The following PIK3C2A variants were observed in gnomAD, a reference collection of about 807,000 sequenced individuals.
PIK3C2A encodes phosphatidylinositol-4-phosphate 3-kinase catalytic subunit type 2 alpha.
A neutral mutation model predicts 204.5 loss-of-function variants in PIK3C2A; 97 were observed. That is an observed-to-expected ratio of 0.47 (90% CI 0.40 to 0.56). PIK3C2A has a LOEUF of 0.56. Among genes scored for constraint, PIK3C2A ranks in the 20% least tolerant of loss-of-function variants. The pLI, the probability that PIK3C2A is intolerant of heterozygous loss-of-function variation, is 0.00. For missense variants in PIK3C2A, 1,735 were observed against 1,969.2 expected (o/e 0.88, Z 2.25); for synonymous variants, 653 against 664.4 (o/e 0.98, Z 0.26).
chr11:17,146,980 C>T (rs1308241381), intron 6 of PIK3C2A, among the ~76,000 whole-genome samples: 40 of 152,008 alleles, frequency 2.6e-4, no homozygotes, highest in Admixed American at 1.3e-4. Context: ...CAAGGGTTCA[C>T]GCAGTAAAAC....
chr11:17,118,419 C>T (rs1486396266), intron 18 of PIK3C2A, among the ~76,000 whole-genome samples: 1 of 152,020 alleles, frequency 6.6e-6, no homozygotes, highest in African/African-American at 2.4e-5. Context: ...ATAAGCAAGT[C>T]GAAACCCATT....
intron 11 of PIK3C2A, among the ~76,000 whole-genome samples, chr11:17,134,203 C>A (rs1849795524): frequency 1.3e-5 from 2 of 152,016 alleles, no homozygotes; most frequent in Non-Finnish European, 2.9e-5. Flanking sequence ...TAAAGCTGCA[C>A]ATATTTTCTT....
chr11:17,107,207 G>T (rs1343876128), intron 22 of PIK3C2A, among the ~76,000 whole-genome samples: 1 of 152,168 alleles, frequency 6.6e-6, no homozygotes, highest in Admixed American at 6.5e-5. Flanking sequence ...CAGCTACTCG[G>T]GAGGCTAAGG....
In PIK3C2A at chr11:17,148,621, A is replaced by G. The variant is rs573495819; in HGVS notation, c.1448+46T>C. The G allele has an allele frequency of 9.4e-5, 148 of 1,581,432 alleles. 4 individuals are homozygous for G. The South Asian group carries it at 1.5e-3, about 16-fold the overall frequency. ...GAAATTTTTCTAGATTAAACCATTA[A>G]AAATGAAATTTCCAAGGATGTTGCT... On this transcript the variant is annotated intron_variant, in intron 5 of 32. Coordinates refer to ENST00000691414, the MANE Select transcript of PIK3C2A (RefSeq NM_002645.4).
At chr11:17,179,352 G>A (rs761065345) in intron 1 of PIK3C2A, among the ~76,000 whole-genome samples, 9 of 151,954 alleles carry the variant, frequency 5.9e-5, no homozygotes, top group Admixed American at 2.0e-4. Context: ...TATAGAGACA[G>A]GGTCTCACCG....
At chr11:17,205,599 A>T (rs1852542778) in intron 1 of PIK3C2A, among the ~76,000 whole-genome samples, 1 of 152,138 alleles carries the variant, frequency 6.6e-6, no homozygotes, top group African/African-American at 2.4e-5. Flanking sequence ...AGGAAATTCA[A>T]CACTCTTTAG....
At chr11:17,121,796 G>A (rs1849374962) in intron 15 of PIK3C2A, among the ~76,000 whole-genome samples, 1 of 151,772 alleles carries the variant, frequency 6.6e-6, no homozygotes, top group African/African-American at 2.4e-5. Context: ...TAGTCTCCTT[G>A]ACTACTGAGT....
At chr11:17,156,086 C>T (rs552402725) in intron 2 of PIK3C2A, among the ~76,000 whole-genome samples, 40 of 152,208 alleles carry the variant, frequency 2.6e-4, no homozygotes, top group African/African-American at 9.4e-4. Context: ...TGGGCATTTT[C>T]TAGGTTAATA....
intron 2 of PIK3C2A, among the ~76,000 whole-genome samples, chr11:17,163,062 T>G (rs1269262897): frequency 6.6e-6 from 1 of 152,072 alleles, no homozygotes; most frequent in Non-Finnish European, 1.5e-5. Context: ...TCCCAGCACT[T>G]GGGGGGACTG....
intron 2 of PIK3C2A, among the ~76,000 whole-genome samples, chr11:17,158,165 C>CT (rs1216478511): frequency 1.3e-5 from 2 of 148,950 alleles, no homozygotes; most frequent in African/African-American, 4.9e-5. Context: ...GCCTGACCAA[C>CT]TGGAGAAACC....
intron 1 of PIK3C2A, among the ~76,000 whole-genome samples, chr11:17,199,405 T>C (rs1852283946): frequency 6.6e-6 from 1 of 151,802 alleles, no homozygotes; most frequent in Non-Finnish European, 1.5e-5. Flanking sequence ...AAAATAGGAG[T>C]ACACTAATAC....
intron 3 of PIK3C2A, among the ~76,000 whole-genome samples, 198 bp from the exon 4 acceptor site, chr11:17,150,853 A>T (rs1850403699): frequency 6.6e-6 from 1 of 152,176 alleles, no homozygotes; most frequent in Admixed American, 6.5e-5. Context: ...AAACCCAAGG[A>T]AAAGGAAGAG....
At chr11:17,173,132 A>G (rs1851231641) in intron 1 of PIK3C2A, among the ~76,000 whole-genome samples, 1 of 152,174 alleles carries the variant, frequency 6.6e-6, no homozygotes, top group Non-Finnish European at 1.5e-5. Flanking sequence ...CATTTTTATC[A>G]CAGCTTTCTC....
intron 1 of PIK3C2A, among the ~76,000 whole-genome samples, chr11:17,189,868 C>T (rs575087931): frequency 6.9e-4 from 84 of 122,576 alleles, no homozygotes; most frequent in Non-Finnish European, 1.2e-3. Context: ...GATTATGAGA[C>T]ATAAAAAGAA....
chr11:17,170,651 GACAA>G (rs1851126049), intron 1 of PIK3C2A, among the ~76,000 whole-genome samples: 1 of 152,046 alleles, frequency 6.6e-6, no homozygotes, highest in South Asian at 2.1e-4. Context: ...CTCTATTTAA[GACAA>G]ACACTTAATT....
Position 17,119,707 on chromosome 11 carries a change from G to A in PIK3C2A, c.2846+79C>T, listed in dbSNP as rs567884555. 49 of 813,124 alleles carry A rather than the reference G, an allele frequency of 6.0e-5. No individual in the cohort carries two copies. In the East Asian group the frequency reaches 1.3e-3, roughly 21 times the overall value. The allele number at this position is 813,124 out of a possible 1,614,324, so 50.4% of individuals were successfully genotyped here. A position where few individuals can be genotyped will look rare whatever the true frequency, so the allele number is the denominator to read the frequency against. The stretch of plus-strand genomic sequence containing the variant: ...TATTGAATTGCTTTCATGTTAAAAG[G>A]AAAGGAAATACTTCTGGCAACATAC... On this transcript the variant is annotated intron_variant, in intron 16 of 32. Transcript: ENST00000691414.
intron 24 of PIK3C2A, among the ~76,000 whole-genome samples, chr11:17,101,807 G>T (rs948527508): frequency 2.6e-5 from 4 of 151,646 alleles, no homozygotes; most frequent in African/African-American, 4.8e-5. Context: ...GTTTCACCGT[G>T]TTAGCCAGGA....
intron 17 of PIK3C2A, 41 bp downstream of exon 17, chr11:17,119,179 G>T: frequency 2.7e-6 from 3 of 1,119,734 alleles, no homozygotes; most frequent in Non-Finnish European, 2.7e-6. Context: ...TAAAAAACTA[G>T]AGTGAAAGTA....
chr11:17,120,118 T>C (rs1830267289), intron 15 of PIK3C2A, 144 bp from the exon 16 acceptor site: 4 of 496,532 alleles, frequency 8.1e-6, no homozygotes, highest in African/African-American at 2.0e-5. Context: ...AATAGAAAAA[T>C]GCAATGTATG....
Sources: allele counts gnomAD v4.1 joint callset (sites outside exome capture counted in the v4.1 genomes callset), GRCh38; gene constraint gnomAD v4.1.1; transcripts MANE v1.5; gene names NCBI Gene and HGNC (gene_info 2026-07-23, HGNC 2026-07-21).